ZBTB20: variants seen among roughly 807,000 people sequenced by gnomAD.
ZBTB20 encodes zinc finger and BTB domain containing 20.
ZBTB20 carries 9 observed loss-of-function variants against 56.9 expected under a neutral mutation model. That is an observed-to-expected ratio of 0.16 (90% CI 0.10 to 0.28). The LOEUF is 0.28. Among genes scored for constraint, ZBTB20 ranks in the 10% least tolerant of loss-of-function variants. The pLI, the probability that ZBTB20 is intolerant of heterozygous loss-of-function variation, is 1.00. For synonymous variants in ZBTB20, 417 were observed against 420.7 expected, an observed-to-expected ratio of 0.99 and a Z score of 0.11; for missense variants, 655 against 1,003.0, an observed-to-expected ratio of 0.65 and a Z score of 4.69.
rs553319824 is a variant in ZBTB20 at position 114,701,745 on chromosome 3, T to C, written c.-342-8170A>G. On this transcript the variant is annotated intron_variant, in intron 5 of 11. Coordinates refer to ENST00000675478, the MANE Select transcript of ZBTB20 (RefSeq NM_001348800.3). ...ACACCAGGAACAGAATATGAAACCATCTAACTGAAAAAAAAAAGTCTCCAT... is the reference window on the plus strand; with the variant it reads ...ACACCAGGAACAGAATATGAAACCACCTAACTGAAAAAAAAAAGTCTCCAT... Among the ~76,000 whole-genome samples the C allele has an allele frequency of 5.9e-5, 9 of 151,660 alleles. No individual in the cohort carries two copies. The East Asian group carries it at 9.7e-4, about 16-fold the overall frequency.
intron 2 of ZBTB20, among the ~76,000 whole-genome samples, chr3:115,030,422 C>A (rs1259602595): frequency 1.3e-5 from 2 of 151,176 alleles, no homozygotes; most frequent in Admixed American, 1.3e-4. Flanking sequence ...TATTACTCCA[C>A]CCCTATGATT....
intron 2 of ZBTB20, among the ~76,000 whole-genome samples, chr3:114,995,927 C>T (rs2079007945): frequency 6.6e-6 from 1 of 151,746 alleles, no homozygotes; most frequent in South Asian, 2.1e-4. Context: ...CTTCTCCCAA[C>T]CCCAACTTTT....
chr3:114,386,282 T>A (rs764065174), intron 8 of ZBTB20, among the ~76,000 whole-genome samples: 1 of 152,230 alleles, frequency 6.6e-6, no homozygotes, highest in Non-Finnish European at 1.5e-5. Context: ...CTTATTTTTT[T>A]TAACCTTGGC....
At chr3:114,385,513 A>T (rs1483967193) in intron 8 of ZBTB20, among the ~76,000 whole-genome samples, 2 of 152,258 alleles carry the variant, frequency 1.3e-5, no homozygotes, top group African/African-American at 4.8e-5. Flanking sequence ...TAAGAGCTCA[A>T]TAATGGTAGT....
intron 6 of ZBTB20, among the ~76,000 whole-genome samples, chr3:114,533,153 C>T (rs1035197582): frequency 1.3e-5 from 2 of 151,950 alleles, no homozygotes; most frequent in Admixed American, 6.6e-5. Context: ...GAGGAATTGA[C>T]AGAAGTAGGC....
chr3:114,658,803 T>G (rs2060556977), intron 6 of ZBTB20: 1 of 152,226 alleles, frequency 6.6e-6, no homozygotes, highest in African/African-American at 2.4e-5. Context: ...CTTCTAGACA[T>G]TCATCTCTTC....
chr3:115,137,623 G>C (rs1232414268), intron 1 of ZBTB20, among the ~76,000 whole-genome samples: 1 of 152,056 alleles, frequency 6.6e-6, no homozygotes, highest in Non-Finnish European at 1.5e-5. Flanking sequence ...AAGCATAGTA[G>C]AGGCTGTTTT....
chr3:114,394,423 T>C (rs559617928), intron 7 of ZBTB20, among the ~76,000 whole-genome samples: 2 of 152,146 alleles, frequency 1.3e-5, no homozygotes, highest in African/African-American at 2.4e-5. Context: ...ACAAGGAAGA[T>C]GCTTATTTCC....
chr3:114,747,637 G>GAGCACAGTTATATAGTGACTTTT (rs1578670374), intron 5 of ZBTB20, among the ~76,000 whole-genome samples: 1 of 41,282 alleles, frequency 2.4e-5, no homozygotes, highest in African/African-American at 5.0e-5. Context: ...ACAAGATTGA[G>GAGCACAGTTATATAGTGACTTTT]GCCGGGCGCG....
intron 1 of ZBTB20, among the ~76,000 whole-genome samples, chr3:115,146,391 G>A (rs2084975028): frequency 7.0e-6 from 1 of 143,168 alleles, no homozygotes; most frequent in African/African-American, 2.5e-5. Flanking sequence ...GGTGGGGGGA[G>A]GACCCAAAAG....
rs2079081190 is a variant in ZBTB20, at chr3:114,326,862, A to G, written c.*12143T>C. Reference sequence around the variant, plus strand: ...AATAAACTTGTTTGCTACCAGCCTCAATCTCAGAACATTTCCTAAGCTATA... The same window carrying G: ...AATAAACTTGTTTGCTACCAGCCTCGATCTCAGAACATTTCCTAAGCTATA... On this transcript the variant is annotated 3_prime_UTR_variant, in exon 12 of 12. Coordinates refer to ENST00000675478, the MANE Select transcript of ZBTB20 (RefSeq NM_001348800.3). The G allele has an allele frequency of 6.6e-6, 1 of 152,194 alleles. No homozygotes were observed. The highest frequency in any genetic ancestry group is 1.5e-5 in the Non-Finnish European group (1 of 68,038). 9.4% of individuals were successfully genotyped at this position (152,194 alleles called of 1,614,324 possible). A position where few individuals can be genotyped will look rare whatever the true frequency, so the allele number is the denominator to read the frequency against.
At chr3:114,675,910 T>C (rs2061600067) in intron 6 of ZBTB20, among the ~76,000 whole-genome samples, 1 of 152,096 alleles carries the variant, frequency 6.6e-6, no homozygotes, top group Non-Finnish European at 1.5e-5. Context: ...TATTTAACTC[T>C]TAGATATACT....
intron 6 of ZBTB20, among the ~76,000 whole-genome samples, chr3:114,554,829 C>T (rs1165827520): frequency 1.3e-5 from 2 of 152,136 alleles, no homozygotes; most frequent in Non-Finnish European, 2.9e-5. Flanking sequence ...AAGAACCTTA[C>T]CAAAGGACAT....
At chr3:114,996,272 T>C (rs769974388) in intron 2 of ZBTB20, among the ~76,000 whole-genome samples, 2 of 151,844 alleles carry the variant, frequency 1.3e-5, no homozygotes, top group South Asian at 2.1e-4. Context: ...GTTTGTTACA[T>C]AGGTATACAT....
In ZBTB20 at chr3:114,336,705, A is replaced by AT. The variant is rs940584431; in HGVS notation, c.*2299dup. 1 of 152,212 alleles carries AT rather than the reference A, an allele frequency of 6.6e-6. No homozygotes were observed. Among genetic ancestry groups the AT allele is most frequent in the African/African-American group, 2.4e-5 (1 of 41,446 alleles). The allele number at this position is 152,212 out of a possible 1,614,324, so 9.4% of individuals were successfully genotyped here. A position where few individuals can be genotyped will look rare whatever the true frequency, so the allele number is the denominator to read the frequency against. On this transcript the variant is annotated 3_prime_UTR_variant, in exon 12 of 12. Coordinates refer to ENST00000675478, the MANE Select transcript of ZBTB20 (RefSeq NM_001348800.3). ...ATTACAGAGTTGTTTGTGTTGGAAG[A>AT]TTTTCCCTCGTTTGCTGCACAGTTT...
chr3:114,652,152 C>T (rs1388542070), intron 6 of ZBTB20, among the ~76,000 whole-genome samples: 1 of 151,956 alleles, frequency 6.6e-6, no homozygotes, highest in Non-Finnish European at 1.5e-5. Context: ...ATATTTACCA[C>T]CATAACAGAG....
At chr3:115,044,312 CA>C (rs913877258) in intron 2 of ZBTB20, among the ~76,000 whole-genome samples, 2 of 152,096 alleles carry the variant, frequency 1.3e-5, no homozygotes, top group African/African-American at 4.8e-5. Context: ...GCGAGAAAAA[CA>C]AAACAAAACA....
chr3:114,581,333 G>A (rs926990521), intron 6 of ZBTB20, among the ~76,000 whole-genome samples: 2 of 151,864 alleles, frequency 1.3e-5, no homozygotes, highest in African/African-American at 4.8e-5. Flanking sequence ...AGAAAATACA[G>A]AAAGGTAAAT....
intron 6 of ZBTB20, among the ~76,000 whole-genome samples, chr3:114,545,565 G>T (rs1267530675): frequency 6.6e-6 from 1 of 152,108 alleles, no homozygotes; most frequent in Non-Finnish European, 1.5e-5. Flanking sequence ...TATCCACCTT[G>T]CAATATAAGG....
Sources: allele counts gnomAD v4.1 joint callset (sites outside exome capture counted in the v4.1 genomes callset), GRCh38; gene constraint gnomAD v4.1.1; transcripts MANE v1.5; gene names NCBI Gene and HGNC (gene_info 2026-07-23, HGNC 2026-07-21).